Variants in PTCHD4 observed in about 807,000 individuals in gnomAD.
The protein encoded by PTCHD4 is patched domain containing 4.
In PTCHD4, 33 loss-of-function variants were observed where a neutral mutation model predicts 58.1. The ratio of observed to expected loss-of-function variants is 0.57; its 90% CI spans 0.43 to 0.76. The LOEUF is 0.76. Among genes scored for constraint, PTCHD4 ranks in the 30% least tolerant of loss-of-function variants. The probability of loss-of-function intolerance (pLI) is 0.00; values close to 1 mark genes in which losing one functional copy is unlikely to be tolerated. For synonymous variants in PTCHD4, 478 were observed against 409.6 expected, an observed-to-expected ratio of 1.17 and a Z score of -2.02; for missense variants, 1,058 against 1,027.1, an observed-to-expected ratio of 1.03 and a Z score of -0.41.
rs1020102954 is a variant in PTCHD4 at position 47,868,708 on chromosome 6, C to T, written c.*9595G>A. On this transcript the variant is annotated 3_prime_UTR_variant, in exon 5 of 5. Transcript: ENST00000339488. ...TTGCAAATAGGTTCCAAATGTCCAG[C>T]TTAATTTTTCTGAGTTCTTATTTCA... Among the ~76,000 whole-genome samples, 1 of 151,630 alleles carries T rather than the reference C, an allele frequency of 6.6e-6. No homozygotes were observed. The highest frequency in any genetic ancestry group is 1.5e-5 in the Non-Finnish European group (1 of 67,770).
chr6:47,909,211 A>G (rs530372364), intron 4 of PTCHD4, among the ~76,000 whole-genome samples: 1 of 152,276 alleles, frequency 6.6e-6, no homozygotes, highest in African/African-American at 2.4e-5. Flanking sequence ...TAAATACCAG[A>G]GAGAATACAC....
intron 4 of PTCHD4, among the ~76,000 whole-genome samples, chr6:47,912,108 T>G (rs895784809): frequency 6.6e-6 from 1 of 152,128 alleles, no homozygotes; most frequent in African/African-American, 2.4e-5. Context: ...GACCATTTGA[T>G]TAGGGTTATT....
intron 1 of PTCHD4, among the ~76,000 whole-genome samples, chr6:48,085,102 G>A (rs576662095): frequency 2.6e-5 from 4 of 151,020 alleles, no homozygotes; most frequent in Middle Eastern, 3.4e-3. Flanking sequence ...ACAGTCACCC[G>A]ATAGTTAAGT....
chr6:48,078,059 T>C (rs1307200507), intron 1 of PTCHD4, among the ~76,000 whole-genome samples: 1 of 152,176 alleles, frequency 6.6e-6, no homozygotes, highest in Non-Finnish European at 1.5e-5. Context: ...ACACAATATC[T>C]GCAAAGCACA....
At position 47,878,331 on chromosome 6, in the gene PTCHD4, T is replaced by A; in HGVS notation, c.2504A>T (p.Glu835Val). The change falls in exon 5 of 5, where the codon GAG becomes GTG. Residue 835 changes from glutamate (E) to valine (V), a missense_variant. Coordinates refer to ENST00000339488, the MANE Select transcript of PTCHD4 (RefSeq NM_001384253.1). Reference sequence around the variant, plus strand: ...TACTGTGGTGACGTGATCCGGGTTCTCTTGAATTTCTATGCATTCAATTTC... The same window carrying A: ...TACTGTGGTGACGTGATCCGGGTTCACTTGAATTTCTATGCATTCAATTTC... ...REEIECIEIQ[E>V]NPDHVTTV is the part of the protein sequence containing the mutation. 3 of 1,604,582 alleles carry A rather than the reference T, an allele frequency of 1.9e-6. No individual in the cohort carries two copies. Among genetic ancestry groups the A allele is most frequent in the Non-Finnish European group, 2.6e-6 (3 of 1,175,546 alleles).
chr6:47,886,146 ATGT>A lies in PTCHD4; in HGVS notation c.899-6213_899-6211del, dbSNP rs1288251536. Among the ~76,000 whole-genome samples the A allele has an allele frequency of 1.5e-4, 23 of 150,458 alleles. No homozygotes were observed. The East Asian group carries it at 3.9e-3, about 25-fold the overall frequency. ...TTTTTTTTTTTTTTTTCCCAGAGCA[ATGT>A]TGTTCTATAAATCCAATATCATTTT... On this transcript the variant is annotated intron_variant, in intron 4 of 4. Transcript: ENST00000339488.
At chr6:47,936,848 A>G (rs766083128) in intron 4 of PTCHD4, among the ~76,000 whole-genome samples, 32 of 152,248 alleles carry the variant, frequency 2.1e-4, no homozygotes, top group Non-Finnish European at 3.1e-4. Context: ...AGAAAAAAGT[A>G]GAGTAGGATA....
In PTCHD4 at chr6:48,068,148, T is replaced by A; in HGVS notation, c.417+82A>T. On this transcript the variant is annotated intron_variant, in intron 3 of 4. Transcript: ENST00000339488. This position sits in a 1 kb window ranked among gnomAD's most constrained non-coding sequence, Gnocchi z 4.2. ...CTGAGATCCTCTAGCACTGAAATAA[T>A]ATCATCCAGCACGCATTTCTTATCC... 2 of 1,418,612 alleles carry A rather than the reference T, an allele frequency of 1.4e-6. No individual in the cohort carries two copies. The highest frequency in any genetic ancestry group is 2.9e-5 in the South Asian group (2 of 69,620). The allele number at this position is 1,418,612 out of a possible 1,614,324, so 87.9% of individuals were successfully genotyped here.
At chr6:47,959,306 A>G (rs1766991581) in intron 4 of PTCHD4, among the ~76,000 whole-genome samples, 1 of 152,224 alleles carries the variant, frequency 6.6e-6, no homozygotes, top group Non-Finnish European at 1.5e-5. Flanking sequence ...GTATAGGATT[A>G]AGGGCTGATT....
At chr6:47,902,110 T>C (rs946648044) in intron 4 of PTCHD4, among the ~76,000 whole-genome samples, 1 of 152,212 alleles carries the variant, frequency 6.6e-6, no homozygotes, top group Non-Finnish European at 1.5e-5. Context: ...AACATCTTCA[T>C]GTCCCTCTCA....
chr6:48,069,157 G>C lies in PTCHD4; in HGVS notation c.-200C>G, dbSNP rs1163670462. 3.7e-5 allele frequency among the ~76,000 whole-genome samples: 5 copies of C among 136,036 alleles called. No individual in the cohort carries two copies. The highest frequency in any genetic ancestry group is 8.0e-5 in the Non-Finnish European group (5 of 62,722). 89.2% of individuals were successfully genotyped at this position (136,036 alleles called of 152,430 possible). Reference sequence around the variant, plus strand: ...CCCCATAAAGGGGGGGGGGGCTGAGGGGGGGAGAGGAGGGAGAAGGGCGGG... The same window carrying C: ...CCCCATAAAGGGGGGGGGGGCTGAGCGGGGGAGAGGAGGGAGAAGGGCGGG... On this transcript the variant is annotated 5_prime_UTR_variant, in exon 2 of 5. Transcript: ENST00000339488.
chr6:47,929,422 A>T (rs1182451722), intron 4 of PTCHD4, among the ~76,000 whole-genome samples: 1 of 152,194 alleles, frequency 6.6e-6, no homozygotes, highest in Non-Finnish European at 1.5e-5. Context: ...AGGGTATCTG[A>T]TAAGCTCAAA....
chr6:48,080,802 A>T (rs2113893389), intron 1 of PTCHD4, among the ~76,000 whole-genome samples: 1 of 152,308 alleles, frequency 6.6e-6, no homozygotes, highest in South Asian at 2.1e-4. Flanking sequence ...TGCCTTGTGT[A>T]CATTCTCCTT....
intron 4 of PTCHD4, among the ~76,000 whole-genome samples, chr6:47,949,434 G>T (rs1766547830): frequency 6.6e-6 from 1 of 152,122 alleles, no homozygotes; most frequent in Non-Finnish European, 1.5e-5. Context: ...TGAAACCTTT[G>T]CCACCTGGTC....
At chr6:48,012,168 G>T (rs1051684169) in intron 3 of PTCHD4, among the ~76,000 whole-genome samples, 1 of 152,150 alleles carries the variant, frequency 6.6e-6, no homozygotes, top group African/African-American at 2.4e-5. Context: ...GGGCAGTTTG[G>T]CCATTTTCAC....
chr6:47,955,823 A>C (rs1384649286), intron 4 of PTCHD4, among the ~76,000 whole-genome samples: 1 of 152,188 alleles, frequency 6.6e-6, no homozygotes, highest in Non-Finnish European at 1.5e-5. Flanking sequence ...GTGTGCATTT[A>C]GGAGTATAGT....
At chr6:47,953,689 T>C (rs1766741469) in intron 4 of PTCHD4, among the ~76,000 whole-genome samples, 1 of 152,136 alleles carries the variant, frequency 6.6e-6, no homozygotes, top group Admixed American at 6.6e-5. Flanking sequence ...AATATTCCAT[T>C]AAGAAAAAGA....
intron 1 of PTCHD4, among the ~76,000 whole-genome samples, chr6:48,075,365 C>A (rs1171075407): frequency 1.3e-5 from 2 of 151,760 alleles, no homozygotes; most frequent in African/African-American, 4.8e-5. Flanking sequence ...GGAATTTTCC[C>A]CAGAGGTAGT....
In PTCHD4 at chr6:48,063,076, AT is replaced by A. The variant is rs1054527992; in HGVS notation, c.417+5153del. On this transcript the variant is annotated intron_variant, in intron 3 of 4. Transcript: ENST00000339488. Reference sequence around the variant, plus strand: ...TAGAGCATATTGTGCTATCCCATAAATTTTTTTTTTCAGGCCATTTGAAGCC... The same window carrying A: ...TAGAGCATATTGTGCTATCCCATAAATTTTTTTTTCAGGCCATTTGAAGCC... Among the ~76,000 whole-genome samples, 26 of 150,658 alleles carry A rather than the reference AT, an allele frequency of 1.7e-4. No individual in the cohort carries two copies. In the East Asian group the frequency reaches 2.3e-3, roughly 14 times the overall value.
Sources: gnomAD v4.1 joint callset for allele counts (sites outside exome capture counted in the v4.1 genomes callset) on GRCh38, gnomAD v4.1.1 for gene constraint, Gnocchi (gnomAD v3.1) non-coding constraint, MANE v1.5 for transcripts, NCBI Gene and HGNC (gene_info 2026-07-23, HGNC 2026-07-21) for gene names.